Variants in RNF130 observed in about 807,000 individuals in gnomAD.
RNF130 encodes the protein E3 ubiquitin-protein ligase RNF130.
In RNF130, 21 loss-of-function variants were observed where a neutral mutation model predicts 44.6. That is an observed-to-expected ratio of 0.47 (90% CI 0.33 to 0.68). The LOEUF (loss-of-function observed/expected upper bound fraction) is 0.68, where lower values mean the gene tolerates loss of function less well. RNF130 is among the 30% of genes least tolerant of loss of function. RNF130 has a pLI of 0.02. For synonymous variants in RNF130, 214 were observed against 210.4 expected, an observed-to-expected ratio of 1.02 and a Z score of -0.15; for missense variants, 479 against 560.6, an observed-to-expected ratio of 0.85 and a Z score of 1.47.
intron 2 of RNF130, among the ~76,000 whole-genome samples, chr5:180,027,911 G>A (rs1020146081): frequency 2.6e-5 from 4 of 152,310 alleles, no homozygotes; most frequent in Admixed American, 6.5e-5. Flanking sequence ...CCAGTGCAGC[G>A]CTGGAAAGCA....
Position 179,966,924 on chromosome 5 carries a change from G to T in RNF130, c.1032C>A (p.Gly344=). 1 of 1,614,234 alleles carries T rather than the reference G, an allele frequency of 6.2e-7. No homozygotes were observed. The highest frequency in any genetic ancestry group is 1.3e-5 in the African/African-American group (1 of 75,054). Reference sequence around the variant, plus strand: ...CAAGGGAGTTGTCGCCGGCGAGGTCGCCGAGGGCTGATCTTCGGTTAACAG... The same window carrying T: ...CAAGGGAGTTGTCGCCGGCGAGGTCTCCGAGGGCTGATCTTCGGTTAACAG... ...TQAVNRRSAL[G]DLAGDNSLGL... Residue 344 remains glycine (G), a synonymous_variant, in exon 7 of 9, where the codon GGC becomes GGA. Transcript: ENST00000521389.
chr5:179,981,572 G>C (rs1762842499), intron 3 of RNF130, among the ~76,000 whole-genome samples: 1 of 152,194 alleles, frequency 6.6e-6, no homozygotes, highest in South Asian at 2.1e-4. Flanking sequence ...TACTGTGTTA[G>C]ATGATTTTGA....
intron 3 of RNF130, among the ~76,000 whole-genome samples, chr5:180,000,734 TTCTTACTTC>T (rs1191078399): frequency 6.6e-6 from 1 of 152,240 alleles, no homozygotes; most frequent in Admixed American, 6.5e-5. Context: ...CAGGATTTGA[TTCTTACTTC>T]TCTTTTATTC....
chr5:179,946,110 G>GT (rs1462512438), intron 7 of RNF130, among the ~76,000 whole-genome samples: 3 of 152,200 alleles, frequency 2.0e-5, no homozygotes, highest in African/African-American at 7.2e-5. Context: ...ACTGTTTCTT[G>GT]TATTTATAAG....
chr5:179,986,228 TGAA>T (rs1561681275), intron 3 of RNF130, among the ~76,000 whole-genome samples: 5 of 152,272 alleles, frequency 3.3e-5, no homozygotes, highest in Non-Finnish European at 7.3e-5. Context: ...AATGGCTTCA[TGAA>T]TAGATTTTTC....
intron 1 of RNF130, among the ~76,000 whole-genome samples, chr5:180,043,804 C>A (rs145776987): frequency 6.7e-4 from 102 of 152,146 alleles, no homozygotes; most frequent in African/African-American, 2.4e-3. Flanking sequence ...TTCATCTAAT[C>A]ATCATCCATA....
chr5:179,962,950 T>C (rs1160283363), intron 8 of RNF130, among the ~76,000 whole-genome samples: 5 of 152,198 alleles, frequency 3.3e-5, no homozygotes, highest in African/African-American at 9.7e-5. Context: ...TTAGACTTAT[T>C]TTCTCTTCCT....
intron 5 of RNF130, chr5:179,976,706 T>G (rs968779726): frequency 2.6e-5 from 4 of 151,916 alleles, no homozygotes; most frequent in African/African-American, 9.7e-5. Flanking sequence ...TTTTTTTTTT[T>G]TAAAAACAGA....
chr5:179,990,560 C>T (rs2113029345), intron 3 of RNF130, among the ~76,000 whole-genome samples: 1 of 152,284 alleles, frequency 6.6e-6, no homozygotes. Flanking sequence ...GGTGGTGGAG[C>T]AGAGTCTTCT....
At chr5:179,935,802 G>A (rs1761884116) in intron 7 of RNF130, among the ~76,000 whole-genome samples, 1 of 151,206 alleles carries the variant, frequency 6.6e-6, no homozygotes, top group South Asian at 2.1e-4. Flanking sequence ...TTGTTACCCT[G>A]GATTATGACA....
At chr5:179,921,003 T>A (rs573842317) in intron 7 of RNF130, among the ~76,000 whole-genome samples, 18 of 152,076 alleles carry the variant, frequency 1.2e-4, no homozygotes, top group Admixed American at 5.2e-4. Flanking sequence ...ATTGCCCCAA[T>A]ATAATTATAT....
chr5:179,935,596 G>A (rs1324738092), intron 7 of RNF130, among the ~76,000 whole-genome samples: 1 of 151,388 alleles, frequency 6.6e-6, no homozygotes, highest in Non-Finnish European at 1.5e-5. Context: ...TAACATGTTG[G>A]GACTTAAATC....
intron 3 of RNF130, among the ~76,000 whole-genome samples, chr5:179,998,859 T>TTATATATATATATATA (rs61232613): frequency 1.0e-4 from 9 of 88,732 alleles, no homozygotes; most frequent in South Asian, 3.1e-4. Flanking sequence ...CTAGTATTTT[T>TTATATATATATATATA]TATATATATA....
chr5:179,913,777 T>A (rs1761502729), exon 8 of RNF130: 1 of 152,210 alleles, frequency 6.6e-6, no homozygotes, highest in Admixed American at 6.5e-5. Context: ...AACCCAGCCC[T>A]CTCAGCCAGG....
At chr5:180,043,758 C>T (rs946994268) in intron 1 of RNF130, among the ~76,000 whole-genome samples, 1 of 151,860 alleles carries the variant, frequency 6.6e-6, no homozygotes, top group Non-Finnish European at 1.5e-5. Flanking sequence ...CCAACAACGG[C>T]CTGTATAAGC....
chr5:180,057,844 G>A lies in RNF130; in HGVS notation c.247+13612C>T, dbSNP rs533751861. 1.3e-4 allele frequency among the ~76,000 whole-genome samples: 20 copies of A among 152,236 alleles called. No individual in the cohort carries two copies. The South Asian group carries it at 3.5e-3, about 27-fold the overall frequency. ...ATTATCAAACTGAGTAGGGCGTTAC[G>A]GGAACCTCCTGAATTGTAGCCAAGT... On this transcript the variant is annotated intron_variant, in intron 1 of 8. Transcript: ENST00000521389.
intron 7 of RNF130, among the ~76,000 whole-genome samples, chr5:179,938,889 G>A (rs1052287275): frequency 6.6e-6 from 1 of 152,232 alleles, no homozygotes; most frequent in Admixed American, 6.5e-5. Flanking sequence ...TCATGCTGGC[G>A]TTAGGGTACA....
chr5:180,067,447 T>C (rs1765133882), intron 1 of RNF130, among the ~76,000 whole-genome samples: 1 of 152,124 alleles, frequency 6.6e-6, no homozygotes, highest in South Asian at 2.1e-4. Context: ...AGGCAGTAAA[T>C]GTAGATAACG....
At chr5:179,969,208 G>C (rs1762527744) in intron 6 of RNF130, among the ~76,000 whole-genome samples, 1 of 151,908 alleles carries the variant, frequency 6.6e-6, no homozygotes, top group African/African-American at 2.4e-5. Context: ...CTTAAGCAAG[G>C]GCTAACGAAG....
Sources: gnomAD v4.1 joint callset for allele counts (sites outside exome capture counted in the v4.1 genomes callset) on GRCh38, gnomAD v4.1.1 for gene constraint, MANE v1.5 for transcripts, NCBI Gene and HGNC (gene_info 2026-07-23, HGNC 2026-07-21) for gene names.